The following CTNNBL1 variants were observed in gnomAD, a reference collection of about 807,000 sequenced individuals.
CTNNBL1 encodes the protein catenin beta like 1, also known as beta-catenin-like protein 1.
CTNNBL1 carries 31 observed loss-of-function variants against 72.7 expected under a neutral mutation model. The ratio of observed to expected loss-of-function variants is 0.43; its 90% CI spans 0.32 to 0.58. The LOEUF (loss-of-function observed/expected upper bound fraction) is 0.58, where lower values mean the gene tolerates loss of function less well. CTNNBL1 is among the 20% of genes least tolerant of loss of function. The probability of loss-of-function intolerance (pLI) is 0.08; values close to 1 mark genes in which losing one functional copy is unlikely to be tolerated. For missense variants in CTNNBL1, 534 were observed against 725.1 expected (o/e 0.74, Z 3.03); for synonymous variants, 240 against 267.3 (o/e 0.90, Z 1.00).
chr20:37,844,622 C>T (rs766581118), intron 13 of CTNNBL1, among the ~76,000 whole-genome samples: 1 of 152,130 alleles, frequency 6.6e-6, no homozygotes, highest in Non-Finnish European at 1.5e-5. Flanking sequence ...AAAACACCTC[C>T]CTTTTGGGCC....
chr20:37,804,831 C>T (rs1037672372), intron 11 of CTNNBL1, among the ~76,000 whole-genome samples: 1 of 152,210 alleles, frequency 6.6e-6, no homozygotes, highest in Non-Finnish European at 1.5e-5. Flanking sequence ...TGCCCGGTGG[C>T]GTGCTGGTAA....
chr20:37,764,200 C>T (rs1385863181), intron 5 of CTNNBL1, among the ~76,000 whole-genome samples: 1 of 152,186 alleles, frequency 6.6e-6, no homozygotes, highest in Non-Finnish European at 1.5e-5. Context: ...AACCGAAACA[C>T]TGAGAGGGAG....
chr20:37,768,109 G>A (rs969432386), intron 7 of CTNNBL1, 65 bp downstream of exon 7: 14 of 1,344,228 alleles, frequency 1.0e-5, no homozygotes, highest in Non-Finnish European at 1.5e-5. Flanking sequence ...TTGATGCTGG[G>A]TTATTGGCAT....
At chr20:37,789,463 T>C (rs2073705862) in intron 10 of CTNNBL1, among the ~76,000 whole-genome samples, 1 of 152,220 alleles carries the variant, frequency 6.6e-6, no homozygotes, top group Non-Finnish European at 1.5e-5. Flanking sequence ...ATTGTGCTGT[T>C]TAACAAAGTG....
At chr20:37,750,554 T>A (rs922265350) in intron 4 of CTNNBL1, 1 of 152,194 alleles carries the variant, frequency 6.6e-6, no homozygotes, top group Non-Finnish European at 1.5e-5. Context: ...AAGGTATTGC[T>A]AAAAAATCCA....
At chr20:37,846,121 C>T (rs745536715) in intron 13 of CTNNBL1, among the ~76,000 whole-genome samples, 27 of 151,780 alleles carry the variant, frequency 1.8e-4, no homozygotes. Flanking sequence ...GGGGTGGTGC[C>T]GCAGACAAGG....
Position 37,779,421 on chromosome 20 carries a change from A to G in CTNNBL1, c.1031+86A>G, listed in dbSNP as rs572238407. On this transcript the variant is annotated intron_variant, in intron 10 of 15. Coordinates refer to ENST00000361383, the MANE Select transcript of CTNNBL1 (RefSeq NM_030877.5). Reference sequence around the variant, plus strand: ...AATTCAAGAGCATGTAGCTATGATCATTTATTCTGTTGGGTTTCCTAGACT... The same window carrying G: ...AATTCAAGAGCATGTAGCTATGATCGTTTATTCTGTTGGGTTTCCTAGACT... The G allele has an allele frequency of 1.8e-5, 26 of 1,478,878 alleles. 2 individuals carry two copies. The highest frequency in any genetic ancestry group is 4.6e-4 in the Middle Eastern group (2 of 4,342). The allele number at this position is 1,478,878 out of a possible 1,614,324, so 91.6% of individuals were successfully genotyped here. A position where few individuals can be genotyped will look rare whatever the true frequency, so the allele number is the denominator to read the frequency against.
chr20:37,813,748 T>C (rs1187765261), intron 11 of CTNNBL1, among the ~76,000 whole-genome samples: 2 of 152,214 alleles, frequency 1.3e-5, no homozygotes, highest in African/African-American at 4.8e-5. Context: ...ATATCTCTTT[T>C]ATAGATAAAA....
chr20:37,849,457 C>T (rs948010973), intron 13 of CTNNBL1, among the ~76,000 whole-genome samples: 17 of 152,318 alleles, frequency 1.1e-4, no homozygotes, highest in Admixed American at 9.8e-4. Context: ...CGCTTCCTGA[C>T]CTTGTGCTTT....
chr20:37,736,408 C>A (rs1199703176), intron 2 of CTNNBL1, among the ~76,000 whole-genome samples: 2 of 152,150 alleles, frequency 1.3e-5, no homozygotes, highest in Non-Finnish European at 2.9e-5. Flanking sequence ...TTCTTTTAAA[C>A]CTGTCAGTCT....
chr20:37,860,182 G>T, intron 14 of CTNNBL1, 90 bp from the exon 15 acceptor site: 1 of 1,465,156 alleles, frequency 6.8e-7, no homozygotes, highest in South Asian at 1.1e-5. Flanking sequence ...TTCAGGGATG[G>T]GGTGAAGTAT....
At chr20:37,770,927 A>G (rs2073517047) in intron 7 of CTNNBL1, among the ~76,000 whole-genome samples, 1 of 152,224 alleles carries the variant, frequency 6.6e-6, no homozygotes, top group Non-Finnish European at 1.5e-5. Flanking sequence ...CTTCGCAGCA[A>G]TGCCTTGCTC....
rs2073376539 is a variant in CTNNBL1 at position 37,757,597 on chromosome 20, A to G, written c.505A>G (p.Thr169Ala). 3 of 1,613,952 alleles carry G rather than the reference A, an allele frequency of 1.9e-6. No homozygotes were observed. Among genetic ancestry groups the G allele is most frequent in the Non-Finnish European group, 2.5e-6 (3 of 1,179,840 alleles). Residue 169 changes from threonine (T) to alanine (A), a missense_variant, in exon 5 of 16, where the codon ACA becomes GCA. Transcript: ENST00000361383. ...IAVVDLLQEL[T>A]DIDTLHESEE... ...TGTGGTCGATTTGCTTCAGGAATTA[A>G]CAGATATAGACACCCTCCATGAGAG...
intron 15 of CTNNBL1, among the ~76,000 whole-genome samples, chr20:37,871,032 A>G (rs2122887133): frequency 6.6e-6 from 1 of 152,308 alleles, no homozygotes; most frequent in Non-Finnish European, 1.5e-5. Flanking sequence ...ACACAAGCAG[A>G]AATTTGCATC....
In CTNNBL1 at chr20:37,779,225, G is replaced by A; in HGVS notation, c.921G>A (p.Gln307=). 1.2e-6 allele frequency: 2 copies of A among 1,613,716 alleles called. No individual in the cohort carries two copies. Among genetic ancestry groups the A allele is most frequent in the Non-Finnish European group, 1.7e-6 (2 of 1,179,748 alleles). The part of the protein sequence containing the change: ...KRHNPSTAEE[Q]EMMENLFDSL... ...ACAATCCCAGCACGGCTGAGGAGCA[G>A]GAGATGATGGAGAATCTGTTTGATT... The change falls in exon 10 of 16, where the codon CAG becomes CAA. Residue 307 remains glutamine (Q), a synonymous_variant. Coordinates refer to ENST00000361383, the MANE Select transcript of CTNNBL1 (RefSeq NM_030877.5).
rs762613570 is a variant in CTNNBL1 at position 37,732,897 on chromosome 20, C to T, written c.49C>T (p.Arg17Cys). Residue 17 changes from arginine (R) to cysteine (C), a missense_variant, in exon 2 of 16, where the codon CGT (arginine) becomes TGT (cysteine). Coordinates refer to ENST00000361383, the MANE Select transcript of CTNNBL1 (RefSeq NM_030877.5). The stretch of plus-strand genomic sequence containing the variant: ...CTCTCAGCCCAATAGGGGCACAAAA[C>T]GTCCCCGGGATGATGAAGAGGAGGA... ...LSYQPNRGTK[R>C]PRDDEEEEQK... The T allele has an allele frequency of 1.2e-5, 19 of 1,613,462 alleles. No homozygotes were observed. The highest frequency in any genetic ancestry group is 1.7e-4 in the Middle Eastern group (1 of 5,816).
chr20:37,826,108 G>A (rs574410616), intron 11 of CTNNBL1, among the ~76,000 whole-genome samples: 121 of 152,296 alleles, frequency 7.9e-4, no homozygotes, highest in African/African-American at 2.5e-3. Context: ...AGCTCTGAAA[G>A]GTGATGTCAG....
chr20:37,797,692 TA>T (rs1461680540), intron 10 of CTNNBL1, among the ~76,000 whole-genome samples: 1 of 152,168 alleles, frequency 6.6e-6, no homozygotes, highest in East Asian at 1.9e-4. Context: ...CTGCCTCTGA[TA>T]TTGTTTCTCT....
chr20:37,838,169 G>C (rs7268511), intron 11 of CTNNBL1, among the ~76,000 whole-genome samples: 13 of 152,022 alleles, frequency 8.6e-5, no homozygotes, highest in Admixed American at 8.5e-4. Context: ...ACAGCCTGAC[G>C]TTAGAAGCAG....
Sources: allele counts gnomAD v4.1 joint callset (sites outside exome capture counted in the v4.1 genomes callset), GRCh38; gene constraint gnomAD v4.1.1; transcripts MANE v1.5; gene names NCBI Gene and HGNC (gene_info 2026-07-23, HGNC 2026-07-21).